SHISA9: variants seen among roughly 807,000 people sequenced by gnomAD.
SHISA9 encodes the protein shisa family member 9.
SHISA9 carries 13 observed loss-of-function variants against 38.0 expected under a neutral mutation model. The ratio of observed to expected loss-of-function variants is 0.34; its 90% CI spans 0.22 to 0.54. The LOEUF (loss-of-function observed/expected upper bound fraction) is 0.54, where lower values mean the gene tolerates loss of function less well. SHISA9 is among the 20% of genes least tolerant of loss of function. SHISA9 has a pLI of 0.91. For missense variants in SHISA9, 538 were observed against 575.8 expected, an observed-to-expected ratio of 0.93 and a Z score of 0.67; for synonymous variants, 275 against 242.0, an observed-to-expected ratio of 1.14 and a Z score of -1.27.
rs368648771 is a variant in SHISA9 at position 13,139,695 on chromosome 16, G to A, written c.692-63699G>A. 3.3e-5 allele frequency among the ~76,000 whole-genome samples: 5 copies of A among 152,160 alleles called. No homozygotes were observed. The East Asian group carries it at 7.8e-4, about 24-fold the overall frequency. ...AGAATTCCAGATTTCGTAAAATTCA[G>A]TTTCCAAACCACTGGAATTGACCAT... On this transcript the variant is annotated intron_variant, in intron 2 of 4. Coordinates refer to ENST00000558583, the MANE Select transcript of SHISA9 (RefSeq NM_001145204.3).
chr16:13,094,491 T>C (rs2073806781), intron 2 of SHISA9, among the ~76,000 whole-genome samples: 1 of 152,200 alleles, frequency 6.6e-6, no homozygotes, highest in Non-Finnish European at 1.5e-5. Flanking sequence ...CTAATTCACT[T>C]TGACTGCTCC....
chr16:13,119,146 C>A (rs953162339), intron 2 of SHISA9, among the ~76,000 whole-genome samples: 1 of 152,124 alleles, frequency 6.6e-6, no homozygotes, highest in East Asian at 1.9e-4. Context: ...GGATTACAGG[C>A]GTGAGCCACC....
At chr16:13,536,125 AGTAGCTGGTACTACAG>A in the SHISA9 span, among the ~76,000 whole-genome samples, 1 of 152,092 alleles carries the variant, frequency 6.6e-6, no homozygotes, top group East Asian at 1.9e-4. Context: ...CAGCCTCCCA[AGTAGCTGGTACTACAG>A]GCACGTGCCA....
chr16:13,167,840 A>G (rs1297600276), intron 2 of SHISA9, among the ~76,000 whole-genome samples: 4 of 152,186 alleles, frequency 2.6e-5, no homozygotes, highest in East Asian at 1.9e-4. Context: ...ACCCAGTCTC[A>G]GGTATTTCTT....
the SHISA9 span, among the ~76,000 whole-genome samples, chr16:13,447,073 C>G: frequency 1.3e-5 from 2 of 151,608 alleles, no homozygotes; most frequent in Non-Finnish European, 2.9e-5. Flanking sequence ...AGAATAAAAT[C>G]CATCTGTATT....
At chr16:13,250,081 T>C in the SHISA9 span, among the ~76,000 whole-genome samples, 1 of 152,152 alleles carries the variant, frequency 6.6e-6, no homozygotes, top group Non-Finnish European at 1.5e-5. Context: ...ACCACTTCCA[T>C]ACCTAGTCTT....
At chr16:13,112,793 A>G (rs922361874) in intron 2 of SHISA9, among the ~76,000 whole-genome samples, 3 of 151,846 alleles carry the variant, frequency 2.0e-5, no homozygotes, top group African/African-American at 4.8e-5. Flanking sequence ...CATGGCTCCC[A>G]CTCGCCTTTG....
chr16:13,547,027 T>C, the SHISA9 span, among the ~76,000 whole-genome samples: 1 of 152,218 alleles, frequency 6.6e-6, no homozygotes, highest in African/African-American at 2.4e-5. Context: ...CATGGCTGAC[T>C]CTTAACCACT....
intron 2 of SHISA9, among the ~76,000 whole-genome samples, chr16:13,193,813 G>T (rs753353507): frequency 3.9e-5 from 6 of 152,134 alleles, no homozygotes; most frequent in Non-Finnish European, 8.8e-5. Flanking sequence ...CAGCTCTTGG[G>T]GTATCTGGTA....
the SHISA9 span, among the ~76,000 whole-genome samples, chr16:13,460,039 C>T: frequency 0.25 from 38,430 of 151,992 alleles, 5,025 homozygotes; most frequent in South Asian, 0.34. Context: ...TCCCAAAGTG[C>T]TGGGATTACA....
intron 2 of SHISA9, among the ~76,000 whole-genome samples, chr16:13,131,171 C>T (rs1000637974): frequency 1.3e-5 from 2 of 152,100 alleles, no homozygotes; most frequent in African/African-American, 4.8e-5. Context: ...TGTGTATGTT[C>T]ATTGCTGCAC....
At chr16:13,140,021 T>C (rs1042900249) in intron 2 of SHISA9, among the ~76,000 whole-genome samples, 2 of 151,896 alleles carry the variant, frequency 1.3e-5, no homozygotes, top group African/African-American at 2.4e-5. Flanking sequence ...TCATTCCTTC[T>C]TGTTTTGCGA....
chr16:12,931,862 A>G (rs1365675203), intron 2 of SHISA9, among the ~76,000 whole-genome samples: 2 of 152,190 alleles, frequency 1.3e-5, no homozygotes, highest in African/African-American at 4.8e-5. Context: ...GGTAAAAGTA[A>G]TGATATCGTT....
intron 2 of SHISA9, among the ~76,000 whole-genome samples, chr16:13,060,244 C>A (rs572612513): frequency 6.6e-6 from 1 of 152,282 alleles, no homozygotes; most frequent in South Asian, 2.1e-4. Flanking sequence ...ATTTAGATTT[C>A]ATTCTCCTTC....
chr16:13,477,285 G>A, the SHISA9 span, among the ~76,000 whole-genome samples: 1 of 152,168 alleles, frequency 6.6e-6, no homozygotes, highest in Non-Finnish European at 1.5e-5. Flanking sequence ...ACATTGTTGG[G>A]TCACATGGGA....
intron 2 of SHISA9, among the ~76,000 whole-genome samples, chr16:13,145,398 G>C (rs1210782496): frequency 6.6e-6 from 1 of 152,166 alleles, no homozygotes; most frequent in African/African-American, 2.4e-5. Context: ...GTGGTGGTAG[G>C]CACCTTTAAT....
intron 2 of SHISA9, among the ~76,000 whole-genome samples, chr16:13,160,696 C>A (rs2050587701): frequency 6.6e-6 from 1 of 152,164 alleles, no homozygotes; most frequent in South Asian, 2.1e-4. Context: ...TTTAACACCC[C>A]CCAGGGGCTT....
At position 13,239,375 on chromosome 16, in the gene SHISA9, T is replaced by G. The variant is rs557827696; in HGVS notation, c.*3966T>G. Reference sequence around the variant, plus strand: ...CCAGTAATGGGATGGCTGGGTCAAATGGTATTTCTAGTTCTAGATCCCTGA... The same window carrying G: ...CCAGTAATGGGATGGCTGGGTCAAAGGGTATTTCTAGTTCTAGATCCCTGA... On this transcript the variant is annotated 3_prime_UTR_variant, in exon 5 of 5. Coordinates refer to ENST00000558583, the MANE Select transcript of SHISA9 (RefSeq NM_001145204.3). The G allele has an allele frequency of 5.9e-5, 9 of 151,270 alleles. No individual in the cohort carries two copies. Among genetic ancestry groups the G allele is most frequent in the African/African-American group, 2.2e-4 (9 of 41,092 alleles). The allele number at this position is 151,270 out of a possible 1,614,324, so 9.4% of individuals were successfully genotyped here.
At chr16:13,425,294 C>T in the SHISA9 span, among the ~76,000 whole-genome samples, 2 of 152,300 alleles carry the variant, frequency 1.3e-5, no homozygotes, top group African/African-American at 4.8e-5. Context: ...TGAGACCAGC[C>T]TTGCCAACAT....
Sources: gnomAD v4.1 joint callset for allele counts (sites outside exome capture counted in the v4.1 genomes callset) on GRCh38, gnomAD v4.1.1 for gene constraint, MANE v1.5 for transcripts, NCBI Gene and HGNC (gene_info 2026-07-23, HGNC 2026-07-21) for gene names.